Variants in ST3GAL6 observed in about 807,000 individuals in gnomAD.
The protein encoded by ST3GAL6 is type 2 lactosamine alpha-2,3-sialyltransferase.
ST3GAL6 carries 31 observed loss-of-function variants against 40.5 expected under a neutral mutation model. The observed-to-expected ratio is 0.77, with a 90% CI of 0.58 to 1.03. The LOEUF is 1.03. Ranked by LOEUF, ST3GAL6 falls within the 50% of genes least tolerant of loss-of-function variation. The pLI, the probability that ST3GAL6 is intolerant of heterozygous loss-of-function variation, is 0.00. For synonymous variants in ST3GAL6, 129 were observed against 136.9 expected, an observed-to-expected ratio of 0.94 and a Z score of 0.40; for missense variants, 357 against 393.2, an observed-to-expected ratio of 0.91 and a Z score of 0.78.
chr3:98,783,749 T>C (rs952867866), intron 5 of ST3GAL6: 50 of 938,090 alleles, frequency 5.3e-5, no homozygotes, highest in Non-Finnish European at 6.2e-5. Flanking sequence ...GGTACTTATT[T>C]TTCTTGACTG....
At chr3:98,771,130 T>C in intron 3 of ST3GAL6, 174 bp downstream of exon 3, 1 of 1,510,672 alleles carries the variant, frequency 6.6e-7, no homozygotes, top group Non-Finnish European at 8.8e-7. Context: ...GTCAGAGCTC[T>C]GCATATATTT....
At chr3:98,762,751 C>G (rs1173067270), upstream of ST3GAL6, 1 of 976,598 alleles carries the variant, frequency 1.0e-6, no homozygotes, top group Non-Finnish European at 1.2e-6. Flanking sequence ...TTTCTATAAG[C>G]CACAATTTCA....
At position 98,788,321 on chromosome 3, in the gene ST3GAL6, T is replaced by C. The variant is rs1182624444; in HGVS notation, c.619-5T>C. 2 of 1,602,736 alleles carry C rather than the reference T, an allele frequency of 1.2e-6. No individual in the cohort carries two copies. Among genetic ancestry groups the C allele is most frequent in the Non-Finnish European group, 1.7e-6 (2 of 1,176,278 alleles). On this transcript the variant is annotated splice_region_variant and splice_polypyrimidine_tract_variant and intron_variant, in intron 7 of 9. Coordinates refer to ENST00000483910, the MANE Select transcript of ST3GAL6 (RefSeq NM_001323368.2). The stretch of plus-strand genomic sequence containing the variant: ...TGTTCTATTCTCTATATTTTTTACT[T>C]TCAGAACACTAATGGTTTTTGGAAG...
intron 1 of ST3GAL6, among the ~76,000 whole-genome samples, chr3:98,736,939 G>A (rs1294589034): frequency 2.0e-5 from 3 of 152,156 alleles, no homozygotes; most frequent in Non-Finnish European, 4.4e-5. Context: ...AGATAGGAAG[G>A]CAGATTTTGT....
rs1381458155 is a variant in ST3GAL6, at chr3:98,784,927, T to C, written c.336-18T>C. On this transcript the variant is annotated intron_variant, in intron 5 of 9. Coordinates refer to ENST00000483910, the MANE Select transcript of ST3GAL6 (RefSeq NM_001323368.2). Reference sequence around the variant, plus strand: ...GTAAAAGATGGCTCAATCTCTCACTTGTCCATCTGTCCAACAGCATACCCT... The same window carrying C: ...GTAAAAGATGGCTCAATCTCTCACTCGTCCATCTGTCCAACAGCATACCCT... 1.3e-6 allele frequency: 2 copies of C among 1,596,266 alleles called. No individual in the cohort carries two copies. Among genetic ancestry groups the C allele is most frequent in the Non-Finnish European group, 8.6e-7 (1 of 1,165,898 alleles).
At chr3:98,755,313 T>G (rs1431629180) in intron 1 of ST3GAL6, among the ~76,000 whole-genome samples, 1 of 152,228 alleles carries the variant, frequency 6.6e-6, no homozygotes, top group Admixed American at 6.5e-5. Context: ...CCCACAGTGC[T>G]GGGATTACAG....
intron 3 of ST3GAL6, 53 bp downstream of exon 3, chr3:98,771,009 G>A (rs1442649445): frequency 7.6e-6 from 12 of 1,587,556 alleles, no homozygotes; most frequent in Admixed American, 1.7e-5. Flanking sequence ...AAATGTGCTT[G>A]TAATCATTTT....
Position 98,788,188 on chromosome 3 carries a change from G to C in ST3GAL6, c.584G>C (p.Arg195Thr). The change falls in exon 7 of 10, where the codon AGG (arginine) becomes ACG (threonine). Residue 195 changes from arginine to threonine, a missense_variant. Transcript: ENST00000483910. ...ILTAFKPHDL[R>T]WLLELLMGDK... ...ACTGCTTTTAAGCCACATGATTTAAGGTGGCTGTTGGAATTGTTGATGGGT... is the reference window on the plus strand; with the variant it reads ...ACTGCTTTTAAGCCACATGATTTAACGTGGCTGTTGGAATTGTTGATGGGT... 6.2e-7 allele frequency: 1 copy of C among 1,612,100 alleles called. No homozygotes were observed. Among genetic ancestry groups the C allele is most frequent in the Non-Finnish European group, 8.5e-7 (1 of 1,179,004 alleles).
chr3:98,747,103 T>C (rs1936618886), intron 1 of ST3GAL6, among the ~76,000 whole-genome samples: 1 of 152,204 alleles, frequency 6.6e-6, no homozygotes, highest in African/African-American at 2.4e-5. Context: ...AGGTTGTGCC[T>C]TGGATTATTT....
chr3:98,791,863 G>A lies in ST3GAL6; in HGVS notation c.779G>A (p.Gly260Glu), dbSNP rs774496407. 6.2e-7 allele frequency: 1 copy of A among 1,612,528 alleles called. No homozygotes were observed. Among genetic ancestry groups the A allele is most frequent in the Non-Finnish European group, 8.5e-7 (1 of 1,179,262 alleles). The change falls in exon 9 of 10, where the codon GGA becomes GAA. Residue 260 changes from glycine (G) to glutamate (E), a missense_variant. By Grantham distance (98) the Gly-to-Glu change is moderately conservative. Coordinates refer to ENST00000483910, the MANE Select transcript of ST3GAL6 (RefSeq NM_001323368.2). Reference protein sequence around the residue: ...KNQKPKHPTTGIIAITLAFYI... With the variant: ...KNQKPKHPTTEIIAITLAFYI... The stretch of plus-strand genomic sequence containing the variant: ...CAGAAACCTAAACACCCAACAACAG[G>A]AATTATTGCCATCACATTGGCGTTT...
intron 9 of ST3GAL6, 41 bp from the exon 10 acceptor site, chr3:98,793,634 G>T: frequency 7.4e-7 from 1 of 1,356,660 alleles, no homozygotes; most frequent in South Asian, 1.4e-5. Context: ...AATACTTTGA[G>T]ATTGGGAAAG....
At chr3:98,783,645 G>C in intron 5 of ST3GAL6, 1 of 985,322 alleles carries the variant, frequency 1.0e-6, no homozygotes, top group Non-Finnish European at 1.2e-6. Context: ...TGTGACATGA[G>C]ATGTGTCCAC....
At chr3:98,755,074 G>A (rs1937319917) in intron 1 of ST3GAL6, among the ~76,000 whole-genome samples, 1 of 152,162 alleles carries the variant, frequency 6.6e-6, no homozygotes, top group Non-Finnish European at 1.5e-5. Context: ...TTGAGACGGA[G>A]TCTCGCTCTG....
chr3:98,763,868 A>G (rs1303071281), intron 1 of ST3GAL6, among the ~76,000 whole-genome samples: 1 of 152,144 alleles, frequency 6.6e-6, no homozygotes, highest in East Asian at 1.9e-4. Context: ...AGTGGATGAG[A>G]TGACCAGGAT....
chr3:98,770,616 C>T, intron 2 of ST3GAL6: 1 of 373,608 alleles, frequency 2.7e-6, no homozygotes, highest in Non-Finnish European at 4.9e-6. Flanking sequence ...CTCTGAAGGT[C>T]CTTTGAATCA....
At position 98,732,963 on chromosome 3, in the gene ST3GAL6, G is replaced by C. The variant is rs1006758202; in HGVS notation, c.-12+431G>C. On this transcript the variant is annotated intron_variant, in intron 1 of 9. Coordinates refer to the ST3GAL6 transcript ENST00000265261. ...TCTGCGGTCGTCGCTCCTGGGCCTC[G>C]GCGGGTCACTCTTGCCGGCCGGCTT... 2.3e-5 allele frequency: 34 copies of C among 1,504,114 alleles called. No homozygotes were observed. In the African/African-American group the frequency reaches 3.7e-4, roughly 17 times the overall value. The allele number at this position is 1,504,114 out of a possible 1,614,324, so 93.2% of individuals were successfully genotyped here. A position where few individuals can be genotyped will look rare whatever the true frequency, so the allele number is the denominator to read the frequency against.
chr3:98,764,914 A>G (rs749249907), intron 1 of ST3GAL6, among the ~76,000 whole-genome samples: 4 of 152,242 alleles, frequency 2.6e-5, no homozygotes, highest in African/African-American at 9.6e-5. Context: ...AAAAAATAAT[A>G]CAAAGCATCT....
Position 98,793,705 on chromosome 3 carries a change from C to A in ST3GAL6, c.940C>A (p.Leu314Ile). The change falls in exon 10 of 10, where the codon CTC (leucine) becomes ATC (isoleucine). Residue 314 changes from leucine to isoleucine, a missense_variant. Coordinates refer to ENST00000483910, the MANE Select transcript of ST3GAL6 (RefSeq NM_001323368.2). The stretch of plus-strand genomic sequence containing the variant: ...GTATCACAATGTGACTGCAGAGCAG[C>A]TCTTTTTGAAGGACATTATAGAAAA... The part of the protein sequence containing the change: ...NAYHNVTAEQ[L>I]FLKDIIEKNL... 6.3e-7 allele frequency: 1 copy of A among 1,597,912 alleles called. No homozygotes were observed. Among genetic ancestry groups the A allele is most frequent in the African/African-American group, 1.3e-5 (1 of 74,426 alleles).
At chr3:98,739,308 C>T (rs1294907248) in intron 1 of ST3GAL6, among the ~76,000 whole-genome samples, 1 of 151,918 alleles carries the variant, frequency 6.6e-6, no homozygotes, top group Admixed American at 6.6e-5. Flanking sequence ...AAGAGCTAAC[C>T]AAGCCTAAAG....
Sources: allele counts gnomAD v4.1 joint callset (sites outside exome capture counted in the v4.1 genomes callset), GRCh38; gene constraint gnomAD v4.1.1; transcripts MANE v1.5; gene names NCBI Gene and HGNC (gene_info 2026-07-23, HGNC 2026-07-21).